Variants in JAKMIP2 observed in about 807,000 individuals in gnomAD.
JAKMIP2 encodes the protein janus kinase and microtubule-interacting protein 2.
A neutral mutation model predicts 115.0 loss-of-function variants in JAKMIP2; 25 were observed. The ratio of observed to expected loss-of-function variants is 0.22; its 90% confidence interval spans 0.16 to 0.30. JAKMIP2 has a LOEUF of 0.30. Among genes scored for constraint, JAKMIP2 ranks in the 10% least tolerant of loss-of-function variants. The pLI, the probability that JAKMIP2 is intolerant of heterozygous loss-of-function variation, is 1.00. For synonymous variants in JAKMIP2, 334 were observed against 343.6 expected (o/e 0.97, Z 0.31); for missense variants, 642 against 957.6 (o/e 0.67, Z 4.35).
chr5:147,621,048 T>C (rs1039289960), intron 17 of JAKMIP2, among the ~76,000 whole-genome samples: 2 of 152,222 alleles, frequency 1.3e-5, no homozygotes, highest in Non-Finnish European at 2.9e-5. Context: ...AATAAGCCTA[T>C]CTATGTAAAA....
At chr5:147,638,588 A>G (rs1029388130) in intron 10 of JAKMIP2, among the ~76,000 whole-genome samples, 3 of 152,090 alleles carry the variant, frequency 2.0e-5, no homozygotes, top group African/African-American at 7.2e-5. Flanking sequence ...TGAAAAATGT[A>G]TAACTGCGTT....
At chr5:147,644,289 G>A in intron 6 of JAKMIP2, 91 bp from the exon 7 acceptor site, 4 of 1,261,086 alleles carry the variant, frequency 3.2e-6, no homozygotes, top group East Asian at 4.8e-5. Flanking sequence ...AGTTTATGAG[G>A]CTCCAGCTAA....
Position 147,618,184 on chromosome 5 carries a change from A to G in JAKMIP2, c.2143-70T>C, listed in dbSNP as rs549651730. On this transcript the variant is annotated intron_variant, in intron 18 of 21. Transcript: ENST00000616793. ...GATATCTGGTGTGGGAGTGTATGCTATGTATGTATATGTATATGGCTGCCA... is the reference window on the plus strand; with the variant it reads ...GATATCTGGTGTGGGAGTGTATGCTGTGTATGTATATGTATATGGCTGCCA... The G allele has an allele frequency of 4.6e-6, 5 of 1,082,536 alleles. No homozygotes were observed. The East Asian group carries it at 9.5e-5, about 20-fold the overall frequency. 67.1% of individuals were successfully genotyped at this position (1,082,536 alleles called of 1,614,324 possible).
At chr5:147,748,467 A>G (rs1475485624) in intron 1 of JAKMIP2, among the ~76,000 whole-genome samples, 8 of 152,134 alleles carry the variant, frequency 5.3e-5, no homozygotes, top group Admixed American at 4.6e-4. Context: ...CCTTTTAACA[A>G]AAAGCAGCCC....
At position 147,745,502 on chromosome 5, in the gene JAKMIP2, G is replaced by A. The variant is rs181178578; in HGVS notation, c.-149+36954C>T. Among the ~76,000 whole-genome samples, 537 of 152,242 alleles carry A rather than the reference G, an allele frequency of 3.5e-3. 2 individuals are homozygous for A. The highest frequency in any genetic ancestry group is 5.2e-3 in the Non-Finnish European group (352 of 68,024). On this transcript the variant is annotated intron_variant, in intron 1 of 21. Coordinates refer to ENST00000616793, the MANE Select transcript of JAKMIP2 (RefSeq NM_001270941.2). ...TAGGATTGTCTTAGGATTCATCCAG[G>A]AGGACAAAGATACCCATCCTGCCCT...
At chr5:147,705,859 G>C (rs1201079199) in intron 1 of JAKMIP2, among the ~76,000 whole-genome samples, 2 of 152,166 alleles carry the variant, frequency 1.3e-5, no homozygotes, top group African/African-American at 4.8e-5. Flanking sequence ...TGTTTTAAAT[G>C]GACTGTTTTG....
chr5:147,772,188 A>G (rs896919872), intron 1 of JAKMIP2, among the ~76,000 whole-genome samples: 1 of 152,158 alleles, frequency 6.6e-6, no homozygotes, highest in Non-Finnish European at 1.5e-5. Flanking sequence ...GCCTTAGTCT[A>G]CTAATTATGA....
At chr5:147,591,792 G>A (rs1010935079) in intron 21 of JAKMIP2, 106 bp from the exon 22 acceptor site, 2 of 676,822 alleles carry the variant, frequency 3.0e-6, no homozygotes, top group Non-Finnish European at 5.2e-6. Context: ...CTTTACCACT[G>A]CTTTGATGTG....
At chr5:147,631,569 T>A in intron 13 of JAKMIP2, 58 bp from the exon 14 acceptor site, 1 of 1,102,526 alleles carries the variant, frequency 9.1e-7, no homozygotes, top group Non-Finnish European at 1.4e-6. Flanking sequence ...AATTAAACAC[T>A]AAACCAGTGG....
chr5:147,649,283 T>C (rs1758278500), intron 4 of JAKMIP2, among the ~76,000 whole-genome samples: 1 of 152,206 alleles, frequency 6.6e-6, no homozygotes, highest in South Asian at 2.1e-4. Flanking sequence ...AGATAGGTAA[T>C]AACTCCTTTA....
intron 19 of JAKMIP2, among the ~76,000 whole-genome samples, chr5:147,617,029 C>A (rs1270426470): frequency 6.6e-6 from 1 of 152,218 alleles, no homozygotes; most frequent in Non-Finnish European, 1.5e-5. Flanking sequence ...GGATTGAATA[C>A]TATAACCTGA....
intron 1 of JAKMIP2, among the ~76,000 whole-genome samples, chr5:147,699,500 G>C (rs1038086141): frequency 6.6e-6 from 1 of 152,134 alleles, no homozygotes; most frequent in Non-Finnish European, 1.5e-5. Flanking sequence ...AAAGAGGGTA[G>C]GCAGAGAGGC....
chr5:147,682,115 T>C (rs1033594329), intron 1 of JAKMIP2, among the ~76,000 whole-genome samples: 2 of 150,366 alleles, frequency 1.3e-5, no homozygotes, highest in African/African-American at 4.9e-5. Context: ...AAGGAACCAG[T>C]AAGCAAAGGG....
At chr5:147,646,826 T>A (rs944075551) in intron 5 of JAKMIP2, among the ~76,000 whole-genome samples, 3 of 151,430 alleles carry the variant, frequency 2.0e-5, no homozygotes, top group Non-Finnish European at 4.4e-5. Context: ...ACAAAAAATA[T>A]AACAAATATT....
At chr5:147,624,206 T>C (rs1363570237) in intron 16 of JAKMIP2, among the ~76,000 whole-genome samples, 1 of 152,172 alleles carries the variant, frequency 6.6e-6, no homozygotes, top group Non-Finnish European at 1.5e-5. Flanking sequence ...ATTCAGCAAA[T>C]GCATTTATGG....
chr5:147,594,836 T>C (rs1190818481), intron 21 of JAKMIP2, among the ~76,000 whole-genome samples: 3 of 152,242 alleles, frequency 2.0e-5, no homozygotes, highest in South Asian at 4.1e-4. Flanking sequence ...ACAATACAGA[T>C]GAGTACACTG....
intron 13 of JAKMIP2, 76 bp downstream of exon 13, chr5:147,632,604 C>A: frequency 2.2e-6 from 2 of 917,090 alleles, no homozygotes; most frequent in African/African-American, 1.7e-5. Context: ...CTTAATACAG[C>A]GCCTAGCTCC....
At chr5:147,708,716 A>G (rs776797210) in intron 1 of JAKMIP2, among the ~76,000 whole-genome samples, 12 of 152,318 alleles carry the variant, frequency 7.9e-5, no homozygotes, top group Admixed American at 4.6e-4. Flanking sequence ...TAGTAAATCA[A>G]TGTTGCAAAA....
At chr5:147,682,970 G>A (rs546657385) in intron 1 of JAKMIP2, among the ~76,000 whole-genome samples, 5 of 152,262 alleles carry the variant, frequency 3.3e-5, no homozygotes, top group Admixed American at 3.3e-4. Flanking sequence ...ATTTAACAAA[G>A]TAAGTCTTTA....
Sources: allele counts gnomAD v4.1 joint callset (sites outside exome capture counted in the v4.1 genomes callset), GRCh38; gene constraint gnomAD v4.1.1; transcripts MANE v1.5; gene names NCBI Gene and HGNC (gene_info 2026-07-23, HGNC 2026-07-21).